Variants in SLC8A1 observed in about 807,000 individuals in gnomAD.
SLC8A1 encodes the protein solute carrier family 8 member A1.
In SLC8A1, 18 loss-of-function variants were observed where a neutral mutation model predicts 68.3. The observed-to-expected ratio is 0.26, with a 90% CI of 0.18 to 0.39. The LOEUF (loss-of-function observed/expected upper bound fraction) is 0.39. Among genes scored for constraint, SLC8A1 ranks in the 10% least tolerant of loss-of-function variants. The pLI is 1.00. For synonymous variants in SLC8A1, 475 were observed against 415.5 expected (o/e 1.14, Z -1.74); for missense variants, 985 against 1,156.7 (o/e 0.85, Z 2.15).
intron 2 of SLC8A1, among the ~76,000 whole-genome samples, chr2:40,329,863 G>A (rs2076235823): frequency 2.0e-5 from 3 of 152,062 alleles, no homozygotes; most frequent in Admixed American, 2.0e-4. Context: ...AATAACCTGA[G>A]GTAGGATAGA....
chr2:40,268,415 T>C (rs2065626670), intron 2 of SLC8A1, among the ~76,000 whole-genome samples: 1 of 152,174 alleles, frequency 6.6e-6, no homozygotes, highest in African/African-American at 2.4e-5. Context: ...ACATTTTTCA[T>C]GCACTTGGAT....
At chr2:40,390,924 C>G (rs191471892) in intron 2 of SLC8A1, among the ~76,000 whole-genome samples, 96 of 152,090 alleles carry the variant, frequency 6.3e-4, no homozygotes, top group African/African-American at 2.3e-3. Flanking sequence ...CCTGAAAGGG[C>G]AAACAATAAA....
intron 7 of SLC8A1, chr2:40,116,875 A>T (rs1018124957): frequency 2.0e-5 from 3 of 152,156 alleles, no homozygotes; most frequent in Non-Finnish European, 4.4e-5. Context: ...AAACTTCTTG[A>T]TGGGTAGAAC....
intron 2 of SLC8A1, among the ~76,000 whole-genome samples, chr2:40,396,770 A>AAAAAC (rs1468493342): frequency 2.0e-4 from 24 of 121,834 alleles, no homozygotes; most frequent in African/African-American, 6.0e-4. Context: ...AAAAAAAAAA[A>AAAAAC]AAAAAAACAA....
intron 2 of SLC8A1, among the ~76,000 whole-genome samples, chr2:40,238,286 G>C (rs550841530): frequency 1.3e-5 from 2 of 152,238 alleles, no homozygotes; most frequent in African/African-American, 4.8e-5. Context: ...CTCCCAGCCA[G>C]GTGCGGGATA....
chr2:40,494,837 ATAT>A (rs1319962026), intron 1 of SLC8A1, among the ~76,000 whole-genome samples: 7 of 151,398 alleles, frequency 4.6e-5, no homozygotes, highest in Non-Finnish European at 7.4e-5. Flanking sequence ...GATCTTAGTT[ATAT>A]TTCTAAGGAA....
chr2:40,435,412 GAA>G (rs5830627), intron 1 of SLC8A1, among the ~76,000 whole-genome samples: 11 of 149,504 alleles, frequency 7.4e-5, no homozygotes, highest in East Asian at 2.0e-4. Context: ...CAGATTTCAG[GAA>G]AAAAAAAACC....
intron 1 of SLC8A1, among the ~76,000 whole-genome samples, chr2:40,444,281 G>A (rs368967900): frequency 1.3e-5 from 2 of 152,292 alleles, no homozygotes; most frequent in Middle Eastern, 3.4e-3. Context: ...AGAGACAGCA[G>A]TGAGCCATGA....
chr2:40,217,898 T>A (rs914657560), intron 2 of SLC8A1, among the ~76,000 whole-genome samples: 1 of 151,636 alleles, frequency 6.6e-6, no homozygotes, highest in African/African-American at 2.4e-5. Flanking sequence ...TATACTTCTC[T>A]TAGATTTGAT....
intron 7 of SLC8A1, among the ~76,000 whole-genome samples, chr2:40,115,989 T>C (rs1290999857): frequency 2.0e-5 from 3 of 152,182 alleles, no homozygotes; most frequent in African/African-American, 4.8e-5. Context: ...AGAGTGAGTA[T>C]TGCAAGGTGC....
chr2:40,418,531 C>A (rs1260199404), intron 2 of SLC8A1, among the ~76,000 whole-genome samples: 1 of 152,166 alleles, frequency 6.6e-6, no homozygotes, highest in African/African-American at 2.4e-5. Flanking sequence ...AGCACTGAGC[C>A]TCAGCTCATC....
intron 2 of SLC8A1, among the ~76,000 whole-genome samples, chr2:40,323,919 A>C (rs1356022843): frequency 6.6e-6 from 1 of 151,886 alleles, no homozygotes; most frequent in Non-Finnish European, 1.5e-5. Context: ...AATTATAAGA[A>C]TTTTTTAAAG....
chr2:40,465,364 G>C (rs953812158), intron 1 of SLC8A1, among the ~76,000 whole-genome samples: 2 of 152,032 alleles, frequency 1.3e-5, no homozygotes, highest in Non-Finnish European at 2.9e-5. Flanking sequence ...ATTTTTCCAG[G>C]AATATAACTA....
intron 1 of SLC8A1, among the ~76,000 whole-genome samples, chr2:40,480,669 T>C (rs1455442106): frequency 6.6e-6 from 1 of 152,194 alleles, no homozygotes; most frequent in Non-Finnish European, 1.5e-5. Context: ...AAATTTCTTG[T>C]TGGAGTGGAA....
chr2:40,267,943 G>C (rs1358621070), intron 2 of SLC8A1, among the ~76,000 whole-genome samples: 1 of 152,138 alleles, frequency 6.6e-6, no homozygotes, highest in African/African-American at 2.4e-5. Context: ...TTTGCTGACA[G>C]CCACCCTTTT....
chr2:40,505,957 ACT>A, intron 1 of SLC8A1, among the ~76,000 whole-genome samples: 1 of 151,998 alleles, frequency 6.6e-6, no homozygotes, highest in South Asian at 2.1e-4. Context: ...CAAATCAATT[ACT>A]CTTTGTCTGG....
intron 2 of SLC8A1, among the ~76,000 whole-genome samples, chr2:40,373,248 T>G (rs1678737029): frequency 6.6e-6 from 1 of 152,104 alleles, no homozygotes; most frequent in Non-Finnish European, 1.5e-5. Context: ...GGTATGTGAT[T>G]CTATCTCTTT....
chr2:40,509,991 C>A (rs1300429347), intron 1 of SLC8A1, among the ~76,000 whole-genome samples: 1 of 152,014 alleles, frequency 6.6e-6, no homozygotes, highest in Non-Finnish European at 1.5e-5. Context: ...CCACACCTGG[C>A]TAATTTTTGT....
Position 40,186,564 on chromosome 2 carries a change from T to G in SLC8A1, c.1809-8709A>C, listed in dbSNP as rs185221767. Reference sequence around the variant, plus strand: ...ATTTCTACTAATATTTTTACATCATTTTTAGATTACTGGTGAGATATTTTG... The same window carrying G: ...ATTTCTACTAATATTTTTACATCATGTTTAGATTACTGGTGAGATATTTTG... On this transcript the variant is annotated intron_variant, in intron 2 of 7. Transcript: ENST00000406785. 1.0e-3 allele frequency among the ~76,000 whole-genome samples: 156 copies of G among 152,314 alleles called. 1 individual carries two copies. Among genetic ancestry groups the G allele is most frequent in the Non-Finnish European group, 7.6e-4 (52 of 68,028 alleles).
Sources: allele counts gnomAD v4.1 joint callset (sites outside exome capture counted in the v4.1 genomes callset), GRCh38; gene constraint gnomAD v4.1.1; transcripts MANE v1.5; gene names NCBI Gene and HGNC (gene_info 2026-07-23, HGNC 2026-07-21).